SH3BP4: variants seen among roughly 807,000 people sequenced by gnomAD.
The protein encoded by SH3BP4 is SH3 domain-binding protein 4.
A neutral mutation model predicts 65.5 loss-of-function variants in SH3BP4; 33 were observed. The ratio of observed to expected loss-of-function variants is 0.50; its 90% CI spans 0.38 to 0.67. The LOEUF is 0.67. Among genes scored for constraint, SH3BP4 ranks in the 30% least tolerant of loss-of-function variants. SH3BP4 has a pLI of 0.00. For synonymous variants in SH3BP4, 552 were observed against 545.5 expected (o/e 1.01, Z -0.17); for missense variants, 1,134 against 1,261.4 (o/e 0.90, Z 1.53).
At chr2:234,981,019 C>T (rs116594969) in intron 1 of SH3BP4, among the ~76,000 whole-genome samples, 3,703 of 152,250 alleles carry the variant, frequency 0.024, 170 homozygotes, top group African/African-American at 0.084. Flanking sequence ...GCCACCATGC[C>T]TGGCTAATTG....
chr2:235,034,773 C>T lies in SH3BP4; in HGVS notation c.-132-98C>T, dbSNP rs1695318900. 5.7e-6 allele frequency: 3 copies of T among 529,958 alleles called. No homozygotes were observed. Among genetic ancestry groups the T allele is most frequent in the Non-Finnish European group, 1.0e-5 (3 of 294,160 alleles). The allele number at this position is 529,958 out of a possible 1,614,324, so 32.8% of individuals were successfully genotyped here. On this transcript the variant is annotated intron_variant, in intron 2 of 5. Coordinates refer to ENST00000392011, the MANE Select transcript of SH3BP4 (RefSeq NM_014521.3). This position sits in a 1 kb window ranked among gnomAD's most constrained non-coding sequence, Gnocchi z 6.2. ...TGAAATGGGTCTGTCCTCATTAGAA[C>T]AGCCTGGAAGAAAGAGGATTCCCAC...
chr2:235,038,289 A>ACT lies in SH3BP4; in HGVS notation c.119-2599_119-2598insCT, dbSNP rs1491490794. ...ATTATATATAATATATATTATATAT[A>ACT]ATATATATATTATATATATATATTA... On this transcript the variant is annotated intron_variant, in intron 3 of 5. Transcript: ENST00000392011. 8.3e-4 allele frequency among the ~76,000 whole-genome samples: 19 copies of ACT among 22,906 alleles called. 1 individual carries two copies. In the South Asian group the frequency reaches 0.013, roughly 16 times the overall value. 15.0% of individuals were successfully genotyped at this position (22,906 alleles called of 152,430 possible). A position where few individuals can be genotyped will look rare whatever the true frequency, so the allele number is the denominator to read the frequency against.
intron 2 of SH3BP4, among the ~76,000 whole-genome samples, chr2:235,029,560 T>G (rs1695111350): frequency 6.6e-6 from 1 of 151,682 alleles, no homozygotes; most frequent in Non-Finnish European, 1.5e-5. Flanking sequence ...AAACACACCA[T>G]TCTCTCTCAT....
chr2:235,027,584 T>C (rs2106316824), intron 2 of SH3BP4, among the ~76,000 whole-genome samples: 1 of 152,340 alleles, frequency 6.6e-6, no homozygotes, highest in East Asian at 1.9e-4. Flanking sequence ...CTTTTTGTTT[T>C]CTAACCCGGA....
In SH3BP4 at chr2:234,974,320, G is replaced by A. The variant is rs745495562; in HGVS notation, c.-206-20983G>A. On this transcript the variant is annotated intron_variant, in intron 1 of 5. Coordinates refer to ENST00000392011, the MANE Select transcript of SH3BP4 (RefSeq NM_014521.3). This position sits in a 1 kb window ranked among gnomAD's most constrained non-coding sequence, Gnocchi z 4.6. ...GCTGGGGTTGCAGTGAGCCAAGATC[G>A]CACTATTGCACTCCAGCCTGGGCAA... Among the ~76,000 whole-genome samples the A allele has an allele frequency of 7.9e-5, 12 of 152,016 alleles. No individual in the cohort carries two copies. The highest frequency in any genetic ancestry group is 1.2e-4 in the African/African-American group (5 of 41,392).
In SH3BP4 at chr2:234,967,819, A is replaced by G. The variant is rs909934253; in HGVS notation, c.-207+15649A>G. Among the ~76,000 whole-genome samples the G allele has an allele frequency of 2.6e-5, 4 of 152,090 alleles. No individual in the cohort carries two copies. The highest frequency in any genetic ancestry group is 5.9e-5 in the Non-Finnish European group (4 of 68,006). ...GAGGATCAGAGCCAGGATCCCTGCC[A>G]CCCTGAGTGGCGGATGCTGCAGAGA... On this transcript the variant is annotated intron_variant, in intron 1 of 5. Coordinates refer to ENST00000392011, the MANE Select transcript of SH3BP4 (RefSeq NM_014521.3). The surrounding 1 kb of genome is among the most constrained non-coding windows in gnomAD (Gnocchi z 4.6).
Position 235,046,715 on chromosome 2 carries a change from G to A in SH3BP4, c.2478+3468G>A, listed in dbSNP as rs1420796375. ...TCACTGAGGTACTAGATGGATAAGT[G>A]ATTGAATGAATGAATGATGGATGAA... is the stretch of plus-strand genomic sequence containing the variant. On this transcript the variant is annotated intron_variant, in intron 4 of 5. Transcript: ENST00000392011. This position sits in a 1 kb window ranked among gnomAD's most constrained non-coding sequence, Gnocchi z 4.2. Among the ~76,000 whole-genome samples the A allele has an allele frequency of 2.0e-5, 3 of 146,874 alleles. No homozygotes were observed. Among genetic ancestry groups the A allele is most frequent in the Non-Finnish European group, 4.5e-5 (3 of 66,456 alleles).
intron 2 of SH3BP4, among the ~76,000 whole-genome samples, chr2:235,013,293 G>T (rs576945129): frequency 6.6e-6 from 1 of 152,206 alleles, no homozygotes; most frequent in Admixed American, 6.5e-5. Flanking sequence ...AGAAGGTCCA[G>T]CCCGTGTTCC....
Position 235,034,607 on chromosome 2 carries a change from C to A in SH3BP4, c.-132-264C>A, listed in dbSNP as rs553095744. On this transcript the variant is annotated intron_variant, in intron 2 of 5. Transcript: ENST00000392011. This position sits in a 1 kb window ranked among gnomAD's most constrained non-coding sequence, Gnocchi z 6.2. Reference sequence around the variant, plus strand: ...AGCACATTTCGCAAACACCCTTACGCCCCTAAGAAGAGCAGGTGCAAACAG... The same window carrying A: ...AGCACATTTCGCAAACACCCTTACGACCCTAAGAAGAGCAGGTGCAAACAG... Among the ~76,000 whole-genome samples, 15 of 152,334 alleles carry A rather than the reference C, an allele frequency of 9.8e-5. No homozygotes were observed. Among genetic ancestry groups the A allele is most frequent in the African/African-American group, 3.6e-4 (15 of 41,572 alleles).
At chr2:234,968,695 G>A (rs1390100185) in intron 1 of SH3BP4, among the ~76,000 whole-genome samples, 3 of 151,140 alleles carry the variant, frequency 2.0e-5, no homozygotes, top group Non-Finnish European at 3.0e-5. Flanking sequence ...TCCCTGTGTG[G>A]CTGCTGCCTT....
rs1009921632 is a variant in SH3BP4 at position 234,967,932 on chromosome 2, T to C, written c.-207+15762T>C. Among the ~76,000 whole-genome samples, 5 of 152,156 alleles carry C rather than the reference T, an allele frequency of 3.3e-5. No individual in the cohort carries two copies. The highest frequency in any genetic ancestry group is 4.8e-5 in the African/African-American group (2 of 41,458). On this transcript the variant is annotated intron_variant, in intron 1 of 5. Transcript: ENST00000392011. This position sits in a 1 kb window ranked among gnomAD's most constrained non-coding sequence, Gnocchi z 4.6. The stretch of plus-strand genomic sequence containing the variant: ...GGCCATTGTGTGTTCATCTAAGAGT[T>C]AGTGCAGGACCGGAAGCTCCCACCC...
At chr2:234,990,858 C>T (rs545073794) in intron 1 of SH3BP4, among the ~76,000 whole-genome samples, 108 of 152,286 alleles carry the variant, frequency 7.1e-4, no homozygotes, top group Non-Finnish European at 1.4e-3. Context: ...AGTTCCAGCC[C>T]TTTCTCCCTT....
rs759168918 is a variant in SH3BP4 at position 235,042,100 on chromosome 2, A to G, written c.1331A>G (p.Asn444Ser). 1 of 1,613,874 alleles carries G rather than the reference A, an allele frequency of 6.2e-7. No individual in the cohort carries two copies. ...CGDTVQAQLH[N>S]LEPCMYVAVV... Reference sequence around the variant, plus strand: ...GACACGGTCCAGGCACAGCTGCACAACCTGGAGCCCTGTATGTACGTGGCT... The same window carrying G: ...GACACGGTCCAGGCACAGCTGCACAGCCTGGAGCCCTGTATGTACGTGGCT... Residue 444 changes from asparagine (N) to serine (S), a missense_variant, in exon 4 of 6, where the codon AAC becomes AGC. Asn to Ser is a conservative substitution (Grantham distance 46). Coordinates refer to ENST00000392011, the MANE Select transcript of SH3BP4 (RefSeq NM_014521.3). The surrounding 1 kb of genome is among the most constrained non-coding windows in gnomAD (Gnocchi z 7.3).
At chr2:234,982,342 T>A (rs186115568) in intron 1 of SH3BP4, among the ~76,000 whole-genome samples, 1 of 152,236 alleles carries the variant, frequency 6.6e-6, no homozygotes, top group East Asian at 1.9e-4. Flanking sequence ...CGCCTGCTGG[T>A]GCTGGGCTGG....
In SH3BP4 at chr2:234,967,227, G is replaced by C. The variant is rs891763039; in HGVS notation, c.-207+15057G>C. Among the ~76,000 whole-genome samples the C allele has an allele frequency of 6.6e-6, 1 of 152,198 alleles. No homozygotes were observed. The highest frequency in any genetic ancestry group is 2.4e-5 in the African/African-American group (1 of 41,438). Reference sequence around the variant, plus strand: ...TGTTCTCCCCTACACGGGGGGCCAGGTCTCAATTCCAGGGTGAACAAGGTG... The same window carrying C: ...TGTTCTCCCCTACACGGGGGGCCAGCTCTCAATTCCAGGGTGAACAAGGTG... On this transcript the variant is annotated intron_variant, in intron 1 of 5. Transcript: ENST00000392011. The surrounding 1 kb of genome is among the most constrained non-coding windows in gnomAD (Gnocchi z 4.6).
chr2:235,023,956 C>T (rs1007420621), intron 2 of SH3BP4, among the ~76,000 whole-genome samples: 9 of 152,030 alleles, frequency 5.9e-5, no homozygotes, highest in South Asian at 2.1e-4. Context: ...TTCCTAAAGA[C>T]GGGTATATTG....
chr2:235,029,267 G>A (rs143587461), intron 2 of SH3BP4, among the ~76,000 whole-genome samples: 2 of 152,338 alleles, frequency 1.3e-5, no homozygotes, highest in African/African-American at 4.8e-5. Context: ...ATGGCTGGAT[G>A]GAGCTGCCGT....
chr2:235,047,752 C>T (rs1304110260), intron 4 of SH3BP4, among the ~76,000 whole-genome samples: 2 of 152,174 alleles, frequency 1.3e-5, no homozygotes, highest in Admixed American at 1.3e-4. Flanking sequence ...CCTGGATCCA[C>T]CATAAGAACG....
intron 2 of SH3BP4, among the ~76,000 whole-genome samples, chr2:235,023,603 G>C (rs2106312402): frequency 6.6e-6 from 1 of 152,210 alleles, no homozygotes; most frequent in Non-Finnish European, 1.5e-5. Flanking sequence ...AAGCGTTTTT[G>C]ATTGTAGAAA....
Sources: gnomAD v4.1 joint callset for allele counts (sites outside exome capture counted in the v4.1 genomes callset) on GRCh38, gnomAD v4.1.1 for gene constraint, Gnocchi (gnomAD v3.1) non-coding constraint, MANE v1.5 for transcripts, NCBI Gene and HGNC (gene_info 2026-07-23, HGNC 2026-07-21) for gene names.